Variants in DNAJA2 observed in about 807,000 individuals in gnomAD.
DNAJA2 encodes dnaJ homolog subfamily A member 2.
Under a neutral mutation model 49.3 loss-of-function variants are expected in DNAJA2, and 6 were observed. That is an observed-to-expected ratio of 0.12 (90% CI 0.07 to 0.24). The LOEUF (loss-of-function observed/expected upper bound fraction) is 0.24, where lower values mean the gene tolerates loss of function less well. Ranked by LOEUF, DNAJA2 falls within the 10% of genes least tolerant of loss-of-function variation. The probability of loss-of-function intolerance (pLI) is 1.00; values close to 1 mark genes in which losing one functional copy is unlikely to be tolerated. For missense variants in DNAJA2, 347 were observed against 516.8 expected, an observed-to-expected ratio of 0.67 and a Z score of 3.19; for synonymous variants, 160 against 172.7, an observed-to-expected ratio of 0.93 and a Z score of 0.58.
chr16:46,967,965 G>C, intron 4 of DNAJA2, 119 bp downstream of exon 4: 1 of 983,290 alleles, frequency 1.0e-6, no homozygotes, highest in Non-Finnish European at 1.5e-6. Context: ...TTTCAGGTGT[G>C]AGCCACCGCA....
intron 6 of DNAJA2, among the ~76,000 whole-genome samples, chr16:46,962,868 T>C (rs2143647610): frequency 6.6e-6 from 1 of 152,288 alleles, no homozygotes. Flanking sequence ...AGTCTGACCT[T>C]GTGAGGGATT....
In DNAJA2 at chr16:46,967,390, GCCT is replaced by G. The variant is rs542218904; in HGVS notation, c.577+120_577+122del. ...TTATAGGAATGAGCTAACGCACCCG[GCCT>G]CCTTTTTCTTTAATAAGATGTATAC... is the stretch of plus-strand genomic sequence containing the variant. On this transcript the variant is annotated intron_variant, in intron 5 of 8. Coordinates refer to ENST00000317089, the MANE Select transcript of DNAJA2 (RefSeq NM_005880.4). 1.7e-4 allele frequency: 219 copies of G among 1,271,948 alleles called. No individual in the cohort carries two copies. The African/African-American group carries it at 2.1e-3, about 12-fold the overall frequency. The allele number at this position is 1,271,948 out of a possible 1,614,324, so 78.8% of individuals were successfully genotyped here. A position where few individuals can be genotyped will look rare whatever the true frequency, so the allele number is the denominator to read the frequency against.
intron 6 of DNAJA2, among the ~76,000 whole-genome samples, chr16:46,962,783 A>G (rs1961917024): frequency 6.6e-6 from 1 of 152,218 alleles, no homozygotes; most frequent in South Asian, 2.1e-4. Flanking sequence ...TTTCCACAAA[A>G]AGCCAAAATA....
intron 3 of DNAJA2, among the ~76,000 whole-genome samples, chr16:46,970,798 G>C (rs938558671): frequency 2.1e-5 from 3 of 141,086 alleles, no homozygotes; most frequent in African/African-American, 7.6e-5. Context: ...CAGCACTTTG[G>C]GAGGCCGAGG....
chr16:46,957,281 T>C (rs1961828357), intron 8 of DNAJA2, 61 bp from the exon 9 acceptor site: 1 of 1,430,402 alleles, frequency 7.0e-7, no homozygotes, highest in African/African-American at 1.4e-5. Flanking sequence ...TTCCTTTTGA[T>C]ACATAGAATC....
chr16:46,964,230 G>A (rs1462402793), intron 6 of DNAJA2, among the ~76,000 whole-genome samples: 1 of 152,184 alleles, frequency 6.6e-6, no homozygotes, highest in South Asian at 2.1e-4. Context: ...AAATTAGCCA[G>A]GAGTGAAGAA....
At chr16:46,965,614 T>C (rs1457792956) in intron 5 of DNAJA2, among the ~76,000 whole-genome samples, 2 of 151,894 alleles carry the variant, frequency 1.3e-5, no homozygotes, top group Non-Finnish European at 2.9e-5. Flanking sequence ...GAGGATCACC[T>C]GAGGTCAGGA....
At chr16:46,963,032 G>A (rs779229963) in intron 6 of DNAJA2, among the ~76,000 whole-genome samples, 1 of 152,200 alleles carries the variant, frequency 6.6e-6, no homozygotes. Flanking sequence ...AATTATAAAT[G>A]ATAATCAGCT....
At position 46,959,512 on chromosome 16, in the gene DNAJA2, A is replaced by G. The variant is rs1212038841; in HGVS notation, c.775-93T>C. The stretch of plus-strand genomic sequence containing the variant: ...TTCCTTGACTTAATTTCAAAACCTT[A>G]TTTCTACCACTCACTGCAAATCCAA... On this transcript the variant is annotated intron_variant, in intron 6 of 8. Coordinates refer to ENST00000317089, the MANE Select transcript of DNAJA2 (RefSeq NM_005880.4). 6 of 1,223,458 alleles carry G rather than the reference A, an allele frequency of 4.9e-6. No homozygotes were observed. In the Admixed American group the frequency reaches 8.7e-5, roughly 18 times the overall value. 75.8% of individuals were successfully genotyped at this position (1,223,458 alleles called of 1,614,324 possible).
At chr16:46,958,588 AC>A (rs200389979) in intron 8 of DNAJA2, 212 of 148,954 alleles carry the variant, frequency 1.4e-3, no homozygotes, top group Admixed American at 3.8e-3. Flanking sequence ...AAACAAACAA[AC>A]AAAAAAACCC....
At chr16:46,964,009 C>T (rs998918248) in intron 6 of DNAJA2, among the ~76,000 whole-genome samples, 1 of 152,040 alleles carries the variant, frequency 6.6e-6, no homozygotes, top group Admixed American at 6.6e-5. Flanking sequence ...GAGGTGGAGG[C>T]TGCAGTGAGC....
chr16:46,969,693 T>C (rs920869644), intron 3 of DNAJA2, among the ~76,000 whole-genome samples: 10 of 152,172 alleles, frequency 6.6e-5, no homozygotes, highest in African/African-American at 2.4e-4. Context: ...AGCAGCAGTA[T>C]CTATTACAGA....
chr16:46,963,879 A>G (rs1383608326), intron 6 of DNAJA2, among the ~76,000 whole-genome samples: 1 of 152,206 alleles, frequency 6.6e-6, no homozygotes, highest in African/African-American at 2.4e-5. Flanking sequence ...GCTGCCTTAG[A>G]TCAACTGGTC....
intron 3 of DNAJA2, among the ~76,000 whole-genome samples, chr16:46,971,017 A>T (rs1479715689): frequency 1.3e-5 from 2 of 151,846 alleles, no homozygotes; most frequent in East Asian, 3.9e-4. Context: ...CATCCTGGAC[A>T]AGAGCGAAAC....
At chr16:46,966,251 A>G (rs1961968697) in intron 5 of DNAJA2, among the ~76,000 whole-genome samples, 1 of 152,174 alleles carries the variant, frequency 6.6e-6, no homozygotes, top group Non-Finnish European at 1.5e-5. Context: ...TAATTTAAAA[A>G]AATAAAGTAA....
chr16:46,966,593 T>C (rs1332535973), intron 5 of DNAJA2, among the ~76,000 whole-genome samples: 1 of 152,172 alleles, frequency 6.6e-6, no homozygotes, highest in Non-Finnish European at 1.5e-5. Context: ...GAGCTATGTG[T>C]TTTTATAATT....
At chr16:46,961,153 T>C (rs555718262) in intron 6 of DNAJA2, among the ~76,000 whole-genome samples, 1 of 152,270 alleles carries the variant, frequency 6.6e-6, no homozygotes, top group East Asian at 1.9e-4. Context: ...TCCCAGCACT[T>C]TGGGAGGCTG....
chr16:46,959,203 A>T lies in DNAJA2; in HGVS notation c.919+72T>A, dbSNP rs952547482. ...TCAATTTTTTTTAGAGTTATGCAGT[A>T]TAAAAAAATTACAAATTGTAATTTT... On this transcript the variant is annotated intron_variant, in intron 7 of 8. Coordinates refer to ENST00000317089, the MANE Select transcript of DNAJA2 (RefSeq NM_005880.4). 7 of 1,581,480 alleles carry T rather than the reference A, an allele frequency of 4.4e-6. No individual in the cohort carries two copies. In the African/African-American group the frequency reaches 9.6e-5, roughly 22 times the overall value.
intron 5 of DNAJA2, among the ~76,000 whole-genome samples, chr16:46,966,920 G>A (rs1961979500): frequency 6.6e-6 from 1 of 152,146 alleles, no homozygotes; most frequent in South Asian, 2.1e-4. Context: ...TACAGAGAGA[G>A]TAAATAAAAG....
Sources: gnomAD v4.1 joint callset for allele counts (sites outside exome capture counted in the v4.1 genomes callset) on GRCh38, gnomAD v4.1.1 for gene constraint, MANE v1.5 for transcripts, NCBI Gene and HGNC (gene_info 2026-07-23, HGNC 2026-07-21) for gene names.